SHCBP1L: variants seen among roughly 807,000 people sequenced by gnomAD.
The protein encoded by SHCBP1L is SHC binding and spindle associated 1 like, also known as testicular spindle-associated protein SHCBP1L.
In SHCBP1L, 67 loss-of-function variants were observed where a neutral mutation model predicts 62.5. That is an observed-to-expected ratio of 1.07 (90% CI 0.88 to 1.31). The LOEUF (loss-of-function observed/expected upper bound fraction) is 1.31. Ranked by LOEUF, SHCBP1L falls within the 40% of genes most tolerant of loss-of-function variation. The pLI is 0.00. For missense variants in SHCBP1L, 823 were observed against 809.8 expected (o/e 1.02, Z -0.20); for synonymous variants, 284 against 289.4 (o/e 0.98, Z 0.19).
chr1:182,927,500 G>T (rs1650809833), intron 6 of SHCBP1L, among the ~76,000 whole-genome samples: 1 of 152,012 alleles, frequency 6.6e-6, no homozygotes, highest in Non-Finnish European at 1.5e-5. Context: ...GTGAAACCCC[G>T]TCTCTACTAA....
intron 2 of SHCBP1L, among the ~76,000 whole-genome samples, chr1:182,941,253 C>CAA (rs368017905): frequency 0.032 from 1,847 of 57,396 alleles, 55 homozygotes; most frequent in African/African-American, 0.086. Context: ...ACTCAAACAC[C>CAA]AAAAAAAAAA....
In SHCBP1L at chr1:182,942,045, T is replaced by A. The variant is rs548739511; in HGVS notation, c.556-1502A>T. On this transcript the variant is annotated intron_variant, in intron 2 of 9. Transcript: ENST00000367547. ...TTTACAAAATAGTTGATAAAAATAT[T>A]CCTCTGGATTGTACAAGAAGGGAGA... is the stretch of plus-strand genomic sequence containing the variant. The A allele has an allele frequency of 1.7e-3, 1,449 of 877,362 alleles. 11 individuals are homozygous for A. The African/African-American group carries it at 0.018, about 11-fold the overall frequency. The allele number at this position is 877,362 out of a possible 1,614,324, so 54.3% of individuals were successfully genotyped here. A position where few individuals can be genotyped will look rare whatever the true frequency, so the allele number is the denominator to read the frequency against.
intron 6 of SHCBP1L, among the ~76,000 whole-genome samples, chr1:182,922,564 A>G (rs955026942): frequency 1.1e-4 from 16 of 152,128 alleles, no homozygotes; most frequent in East Asian, 7.7e-4. Context: ...AAAAAAAAAA[A>G]AAAGAAAGAA....
intron 7 of SHCBP1L, 104 bp from the exon 8 acceptor site, chr1:182,904,534 CGTGT>C (rs61031217): frequency 0.2 from 116,455 of 594,644 alleles, 3,596 homozygotes; most frequent in East Asian, 0.26. Context: ...TCCCTGTGTG[CGTGT>C]GTGTGTGTGT....
At position 182,929,506 on chromosome 1, in the gene SHCBP1L, T is replaced by C. The variant is rs1571349311; in HGVS notation, c.1182+141A>G. On this transcript the variant is annotated intron_variant, in intron 6 of 9. Transcript: ENST00000367547. ...TCACCATTTATTTATTTAGTATCTA[T>C]TATATGGCAATAACTGAGCTGGAGG... is the stretch of plus-strand genomic sequence containing the variant. 9 of 512,984 alleles carry C rather than the reference T, an allele frequency of 1.8e-5. 1 individual carries two copies. In the East Asian group the frequency reaches 2.8e-4, roughly 16 times the overall value. The allele number at this position is 512,984 out of a possible 1,614,324, so 31.8% of individuals were successfully genotyped here.
intron 8 of SHCBP1L, among the ~76,000 whole-genome samples, chr1:182,903,944 A>T (rs1167446789): frequency 6.6e-6 from 1 of 152,196 alleles, no homozygotes; most frequent in Non-Finnish European, 1.5e-5. Flanking sequence ...CCAGATTTTA[A>T]AAAGTCACCC....
intron 1 of SHCBP1L, 49 bp downstream of exon 1, chr1:182,952,680 G>C (rs768546715): frequency 1.9e-6 from 3 of 1,540,436 alleles, no homozygotes; most frequent in East Asian, 4.7e-5. Context: ...CCTGTCCCCA[G>C]GTTCCGACGA....
intron 6 of SHCBP1L, among the ~76,000 whole-genome samples, chr1:182,912,741 T>G (rs1650228966): frequency 6.6e-6 from 1 of 151,884 alleles, no homozygotes; most frequent in African/African-American, 2.4e-5. Context: ...CAGGCTGGTC[T>G]CAAACTCCTG....
chr1:182,929,664 T>A lies in SHCBP1L; in HGVS notation c.1165A>T (p.Met389Leu). The A allele has an allele frequency of 6.4e-7, 1 of 1,569,142 alleles. No individual in the cohort carries two copies. The highest frequency in any genetic ancestry group is 8.6e-7 in the Non-Finnish European group (1 of 1,162,942). The change falls in exon 6 of 10, where the codon ATG (methionine) becomes TTG (leucine). Residue 389 changes from methionine (M) to leucine (L), a missense_variant. Physicochemically the swap from Met to Leu is conservative, Grantham distance 15. Coordinates refer to ENST00000367547, the MANE Select transcript of SHCBP1L (RefSeq NM_030933.4). ...GKTITHIVAK[M>L]MTTEMIKDLS... ...TTTCTTACCATTTCAGTAGTCATCATTTTTGCTACAATATGTGTTATAGTC... is the reference window on the plus strand; with the variant it reads ...TTTCTTACCATTTCAGTAGTCATCAATTTTGCTACAATATGTGTTATAGTC...
intron 2 of SHCBP1L, among the ~76,000 whole-genome samples, chr1:182,949,190 C>T (rs1651667890): frequency 6.6e-6 from 1 of 151,482 alleles, no homozygotes; most frequent in South Asian, 2.1e-4. Flanking sequence ...GCTGCTAAGA[C>T]ACCATCATCC....
At chr1:182,907,877 C>G (rs553612413) in intron 6 of SHCBP1L, among the ~76,000 whole-genome samples, 65 of 152,150 alleles carry the variant, frequency 4.3e-4, no homozygotes, top group African/African-American at 1.5e-3. Context: ...CTGCACCCAG[C>G]CTTTTTTTAT....
In SHCBP1L at chr1:182,939,377, T is replaced by G. The variant is rs201970145; in HGVS notation, c.875A>C (p.Asp292Ala). Residue 292 changes from aspartate (D) to alanine (A), a missense_variant, in exon 5 of 10, where the codon GAT becomes GCT. Physicochemically the swap from Asp to Ala is moderately radical, Grantham distance 126. Coordinates refer to ENST00000367547, the MANE Select transcript of SHCBP1L (RefSeq NM_030933.4). The stretch of plus-strand genomic sequence containing the variant: ...TGCGATAGGACCAGGTATTGTTCCA[T>G]CCTGTATATCACACCACCTGAAAAT... ...ERINLWCDIQ[D>A]GTIPGPIAQR... 250 of 1,613,318 alleles carry G rather than the reference T, an allele frequency of 1.5e-4. No homozygotes were observed. Among genetic ancestry groups the G allele is most frequent in the Non-Finnish European group, 1.9e-4 (227 of 1,179,794 alleles).
chr1:182,919,235 T>C (rs1650448424), intron 6 of SHCBP1L, among the ~76,000 whole-genome samples: 1 of 152,210 alleles, frequency 6.6e-6, no homozygotes, highest in Non-Finnish European at 1.5e-5. Flanking sequence ...TTCTGGAGGC[T>C]AGGAAGTCTA....
At chr1:182,932,022 T>C (rs1411864856) in intron 5 of SHCBP1L, among the ~76,000 whole-genome samples, 1 of 143,386 alleles carries the variant, frequency 7.0e-6, no homozygotes, top group Non-Finnish European at 1.5e-5. Flanking sequence ...GTTGGAGTCA[T>C]ACAGTATGTA....
At chr1:182,902,087 GTCTC>G (rs1016752151) in intron 9 of SHCBP1L, among the ~76,000 whole-genome samples, 2 of 129,274 alleles carry the variant, frequency 1.5e-5, no homozygotes, top group Non-Finnish European at 1.6e-5. Flanking sequence ...TTGAGACAGA[GTCTC>G]AATCTGTCAC....
chr1:182,929,783 A>ATAT, intron 5 of SHCBP1L, 31 bp from the exon 6 acceptor site: 1 of 1,432,844 alleles, frequency 7.0e-7, no homozygotes, highest in Non-Finnish European at 9.5e-7. Flanking sequence ...TTATAATTAA[A>ATAT]TTAACATGAA....
chr1:182,921,866 C>T (rs368397026), intron 6 of SHCBP1L, among the ~76,000 whole-genome samples: 63 of 152,006 alleles, frequency 4.1e-4, no homozygotes, highest in Middle Eastern at 3.4e-3. Context: ...CCAGCCTAGG[C>T]GACAGAGCAA....
chr1:182,947,213 G>A (rs971917854), intron 2 of SHCBP1L, among the ~76,000 whole-genome samples: 4 of 148,526 alleles, frequency 2.7e-5, no homozygotes, highest in Non-Finnish European at 5.9e-5. Context: ...CTCCAGCCTG[G>A]GTGACAGAGT....
intron 6 of SHCBP1L, among the ~76,000 whole-genome samples, chr1:182,927,608 C>T (rs1041025844): frequency 7.0e-6 from 1 of 142,934 alleles, no homozygotes; most frequent in Non-Finnish European, 1.5e-5. Context: ...GGAGGCGGAG[C>T]TTGCAGTGAG....
Sources: allele counts gnomAD v4.1 joint callset (sites outside exome capture counted in the v4.1 genomes callset), GRCh38; gene constraint gnomAD v4.1.1; transcripts MANE v1.5; gene names NCBI Gene and HGNC (gene_info 2026-07-23, HGNC 2026-07-21).